Variants in C11orf65 observed in about 807,000 individuals in gnomAD.
C11orf65 encodes protein MFI.
Under a neutral mutation model 35.3 loss-of-function variants are expected in C11orf65, and 38 were observed. That is an observed-to-expected ratio of 1.08 (90% CI 0.83 to 1.41). C11orf65 has a LOEUF of 1.41. Among genes scored for constraint, C11orf65 ranks in the 40% most tolerant of loss-of-function variants. C11orf65 has a pLI of 0.00. For synonymous variants in C11orf65, 105 were observed against 114.4 expected (o/e 0.92, Z 0.53); for missense variants, 370 against 367.1 (o/e 1.01, Z -0.06).
intron 2 of C11orf65, among the ~76,000 whole-genome samples, chr11:108,439,892 G>A (rs1235438709): frequency 6.6e-6 from 1 of 152,028 alleles, no homozygotes; most frequent in East Asian, 1.9e-4. Flanking sequence ...CTGGTGATAG[G>A]TGCACAACAT....
intron 2 of C11orf65, among the ~76,000 whole-genome samples, chr11:108,364,199 T>A (rs1440717317): frequency 6.6e-6 from 1 of 152,316 alleles, no homozygotes; most frequent in South Asian, 2.1e-4. Flanking sequence ...ACTGAGAAAC[T>A]GTATACAGAT....
At chr11:108,312,608 C>A in intron 6 of C11orf65, 1 of 781,132 alleles carries the variant, frequency 1.3e-6, no homozygotes, top group Admixed American at 2.2e-5. Context: ...AATTTACTTA[C>A]TGGACTAAGC....
chr11:108,319,317 ATTC>A (rs2085017290), intron 6 of C11orf65, among the ~76,000 whole-genome samples: 1 of 152,048 alleles, frequency 6.6e-6, no homozygotes, highest in African/African-American at 2.4e-5. Context: ...AATATATACT[ATTC>A]TTCTCCTTCC....
rs1766870569 is a variant in C11orf65, at chr11:108,406,993, G to A, written c.229-30C>T. ...AGAAGGAAAAGTTCAAAGAGCCATTGTAATGTAACTACAAAAATGTTTTAC... is the reference window on the plus strand; with the variant it reads ...AGAAGGAAAAGTTCAAAGAGCCATTATAATGTAACTACAAAAATGTTTTAC... On this transcript the variant is annotated intron_variant, in intron 4 of 8. Coordinates refer to ENST00000393084, the MANE Select transcript of C11orf65 (RefSeq NM_152587.5). 10 of 1,572,216 alleles carry A rather than the reference G, an allele frequency of 6.4e-6. No homozygotes were observed. In the African/African-American group the frequency reaches 6.8e-5, roughly 11 times the overall value.
intron 2 of C11orf65, among the ~76,000 whole-genome samples, chr11:108,369,963 G>A (rs2091508271): frequency 6.6e-6 from 1 of 152,052 alleles, no homozygotes; most frequent in Non-Finnish European, 1.5e-5. Flanking sequence ...TCCTTTGTTG[G>A]TTATGTAACA....
chr11:108,428,261 C>G (rs1329100700), intron 3 of C11orf65, among the ~76,000 whole-genome samples: 1 of 152,180 alleles, frequency 6.6e-6, no homozygotes, highest in Non-Finnish European at 1.5e-5. Flanking sequence ...GACAATTCCT[C>G]AAGGATCTAG....
intron 2 of C11orf65, among the ~76,000 whole-genome samples, chr11:108,375,837 T>C (rs913225788): frequency 2.8e-4 from 43 of 152,164 alleles, no homozygotes; most frequent in Non-Finnish European, 4.4e-4. Context: ...GTTGCAATAC[T>C]AGTCTCTGAT....
At chr11:108,434,822 T>C (rs945639345) in intron 2 of C11orf65, among the ~76,000 whole-genome samples, 2 of 152,248 alleles carry the variant, frequency 1.3e-5, no homozygotes, top group African/African-American at 4.8e-5. Context: ...TCTGTCATGG[T>C]ATTCCACACA....
chr11:108,438,450 C>A (rs1206626339), intron 2 of C11orf65, among the ~76,000 whole-genome samples: 1 of 151,792 alleles, frequency 6.6e-6, no homozygotes, highest in Non-Finnish European at 1.5e-5. Flanking sequence ...ACTCGGTAGG[C>A]TGAGGCAAAA....
Position 108,335,969 on chromosome 11 carries a change from T to A in C11orf65, c.227-677A>T, listed in dbSNP as rs1263247290. ...ACTATCTGTACTTATAAGGTAACTA[T>A]TTGTACTTCTGTTAGTTCACCAAAA... On this transcript the variant is annotated intron_variant, in intron 2 of 3. Transcript: ENST00000524755. The A allele has an allele frequency of 1.3e-6, 2 of 1,591,126 alleles. No individual in the cohort carries two copies. Among genetic ancestry groups the A allele is most frequent in the African/African-American group, 2.7e-5 (2 of 74,400 alleles).
intron 2 of C11orf65, among the ~76,000 whole-genome samples, chr11:108,347,672 G>T (rs2088620894): frequency 6.6e-6 from 1 of 152,094 alleles, no homozygotes; most frequent in Admixed American, 6.5e-5. Flanking sequence ...ACCAAAACAA[G>T]GAGTAATTTT....
intron 3 of C11orf65, among the ~76,000 whole-genome samples, chr11:108,409,403 T>C (rs568610552): frequency 6.7e-4 from 102 of 152,168 alleles, no homozygotes; most frequent in Non-Finnish European, 1.1e-3. Flanking sequence ...ATATGGTATG[T>C]AAGTATACAG....
upstream of C11orf65, among the ~76,000 whole-genome samples, chr11:108,468,951 A>G (rs1000599803): frequency 6.6e-6 from 1 of 152,068 alleles, no homozygotes; most frequent in African/African-American, 2.4e-5. Context: ...TAAAAATACA[A>G]AAATTAGCCC....
At chr11:108,385,863 G>A in intron 8 of C11orf65, 57 bp downstream of exon 8, 1 of 1,349,628 alleles carries the variant, frequency 7.4e-7, no homozygotes, top group Non-Finnish European at 1.1e-6. Context: ...ATACGTGTGT[G>A]GAATGTATTT....
intron 3 of C11orf65, among the ~76,000 whole-genome samples, chr11:108,409,462 G>A (rs2138708964): frequency 6.6e-6 from 1 of 152,264 alleles, no homozygotes; most frequent in South Asian, 2.1e-4. Flanking sequence ...CTACAATGGT[G>A]TGAAAGTGAT....
downstream of C11orf65, among the ~76,000 whole-genome samples, chr11:108,326,612 G>T (rs368729186): frequency 1.3e-5 from 2 of 152,268 alleles, no homozygotes; most frequent in East Asian, 3.9e-4. Flanking sequence ...GGACAATTAG[G>T]TTGTCAATCC....
At chr11:108,377,498 T>C (rs1176846500) in intron 2 of C11orf65, among the ~76,000 whole-genome samples, 2 of 152,072 alleles carry the variant, frequency 1.3e-5, no homozygotes, top group African/African-American at 4.8e-5. Flanking sequence ...ATAAGAGCTA[T>C]CTATGACAGT....
At chr11:108,385,014 A>G (rs968530713) in intron 8 of C11orf65, among the ~76,000 whole-genome samples, 26 of 152,290 alleles carry the variant, frequency 1.7e-4, no homozygotes, top group Non-Finnish European at 3.1e-4. Flanking sequence ...GAACCTAAAA[A>G]CTATTTTCAA....
At chr11:108,357,161 C>G (rs1017018727) in intron 2 of C11orf65, among the ~76,000 whole-genome samples, 1 of 152,222 alleles carries the variant, frequency 6.6e-6, no homozygotes, top group Non-Finnish European at 1.5e-5. Context: ...AGTTCCCTTT[C>G]CTAGTCAAAG....
Sources: allele counts gnomAD v4.1 joint callset (sites outside exome capture counted in the v4.1 genomes callset), GRCh38; gene constraint gnomAD v4.1.1; transcripts MANE v1.5; gene names NCBI Gene and HGNC (gene_info 2026-07-23, HGNC 2026-07-21).